The following GBE1 variants were observed in gnomAD, a reference collection of about 807,000 sequenced individuals.
GBE1 encodes 1,4-alpha-glucan-branching enzyme.
GBE1 carries 70 observed loss-of-function variants against 88.8 expected under a neutral mutation model. The observed-to-expected ratio is 0.79, with a 90% CI of 0.65 to 0.96. The LOEUF (loss-of-function observed/expected upper bound fraction) is 0.96. Among genes scored for constraint, GBE1 ranks in the 40% least tolerant of loss-of-function variants. The probability of loss-of-function intolerance (pLI) is 0.00; values close to 1 mark genes in which losing one functional copy is unlikely to be tolerated. For missense variants in GBE1, 872 were observed against 871.0 expected (o/e 1.00, Z -0.01); for synonymous variants, 284 against 300.1 (o/e 0.95, Z 0.56).
intron 1 of GBE1, 87 bp downstream of exon 1, chr3:81,761,288 G>A: frequency 2.0e-6 from 3 of 1,482,082 alleles, no homozygotes; most frequent in Non-Finnish European, 2.7e-6. Flanking sequence ...GTTGGCGCGC[G>A]AGGGCCGAGG....
Position 81,750,625 on chromosome 3 carries a change from A to ATATG in GBE1, c.143+10749_143+10750insCATA, listed in dbSNP as rs1446390847. 5.7e-4 allele frequency among the ~76,000 whole-genome samples: 36 copies of ATATG among 63,390 alleles called. 3 individuals carry two copies. The East Asian group carries it at 0.015, about 26-fold the overall frequency. 41.6% of individuals were successfully genotyped at this position (63,390 alleles called of 152,430 possible). On this transcript the variant is annotated intron_variant, in intron 1 of 15. Coordinates refer to ENST00000429644, the MANE Select transcript of GBE1 (RefSeq NM_000158.4). The stretch of plus-strand genomic sequence containing the variant: ...TGTGTATATATATATATGTATATAT[A>ATATG]TATACGTATATATATATATGTATAT...
chr3:81,585,853 C>T (rs937729406), intron 10 of GBE1, among the ~76,000 whole-genome samples: 1 of 152,090 alleles, frequency 6.6e-6, no homozygotes, highest in Non-Finnish European at 1.5e-5. Context: ...ATTTATACAG[C>T]TAACATGATA....
At chr3:81,740,782 A>ACACACACACC (rs1000342617) in intron 1 of GBE1, among the ~76,000 whole-genome samples, 1 of 152,000 alleles carries the variant, frequency 6.6e-6, no homozygotes, top group Non-Finnish European at 1.5e-5. Flanking sequence ...ACACACACAC[A>ACACACACACC]CACACACAAT....
At position 81,733,255 on chromosome 3, in the gene GBE1, C is replaced by A. The variant is rs985172360; in HGVS notation, c.144-27642G>T. 6.6e-6 allele frequency among the ~76,000 whole-genome samples: 1 copy of A among 151,532 alleles called. No homozygotes were observed. Among genetic ancestry groups the A allele is most frequent in the African/African-American group, 2.4e-5 (1 of 41,246 alleles). On this transcript the variant is annotated intron_variant, in intron 1 of 15. Transcript: ENST00000429644. This position sits in a 1 kb window ranked among gnomAD's most constrained non-coding sequence, Gnocchi z 4.0. ...GCGTGTTCCCATGAGAATCTAATGC[C>A]TGATGATCTGTCACTGTCTCCCATC...
intron 1 of GBE1, among the ~76,000 whole-genome samples, chr3:81,747,843 C>T (rs533999235): frequency 6.6e-6 from 1 of 152,306 alleles, no homozygotes; most frequent in Non-Finnish European, 1.5e-5. Context: ...ATTACCTTCC[C>T]AAATCCTATA....
chr3:81,680,997 C>T (rs190695735), intron 2 of GBE1, among the ~76,000 whole-genome samples: 11 of 152,366 alleles, frequency 7.2e-5, no homozygotes, highest in Admixed American at 3.3e-4. Context: ...AGCCCAAATC[C>T]ACTCAGATAC....
chr3:81,504,879 A>C (rs1702634208), intron 14 of GBE1, among the ~76,000 whole-genome samples: 1 of 152,166 alleles, frequency 6.6e-6, no homozygotes, highest in African/African-American at 2.4e-5. Flanking sequence ...TTCTGCACTA[A>C]ACTCACTTCA....
intron 3 of GBE1, among the ~76,000 whole-genome samples, chr3:81,660,814 A>G (rs746198198): frequency 1.6e-4 from 24 of 152,240 alleles, no homozygotes; most frequent in Non-Finnish European, 2.8e-4. Flanking sequence ...ATTCAATAAA[A>G]GAACCCAGCT....
chr3:81,594,576 G>C (rs561018712), intron 7 of GBE1, among the ~76,000 whole-genome samples: 17 of 151,874 alleles, frequency 1.1e-4, no homozygotes, highest in Non-Finnish European at 2.5e-4. Context: ...AAAAGTAAAA[G>C]ATAAAAACAG....
At chr3:81,731,982 A>G (rs1050001354) in intron 1 of GBE1, among the ~76,000 whole-genome samples, 12 of 152,182 alleles carry the variant, frequency 7.9e-5, no homozygotes, top group Admixed American at 3.3e-4. Context: ...TTTGTTTCTA[A>G]TTATTATACA....
chr3:81,521,912 G>A (rs1702879218), intron 14 of GBE1, among the ~76,000 whole-genome samples: 1 of 151,514 alleles, frequency 6.6e-6, no homozygotes, highest in African/African-American at 2.4e-5. Flanking sequence ...AAAATGTGAT[G>A]GCTGCCAGGA....
chr3:81,612,240 A>AAAAC (rs1553685871), intron 7 of GBE1: 49 of 533,058 alleles, frequency 9.2e-5, no homozygotes, highest in African/African-American at 8.2e-4. Context: ...AAAAAAAAAA[A>AAAAC]AAACTTAAAG....
chr3:81,670,854 T>A lies in GBE1; in HGVS notation c.413A>T (p.His138Leu), dbSNP rs767762796. The A allele has an allele frequency of 6.4e-7, 1 of 1,556,238 alleles. No homozygotes were observed. Among genetic ancestry groups the A allele is most frequent in the Non-Finnish European group, 8.6e-7 (1 of 1,156,242 alleles). The change falls in exon 3 of 16, where the codon CAT becomes CTT. Residue 138 changes from histidine (H) to leucine (L), a missense_variant. By Grantham distance (99) the His-to-Leu change is moderately conservative. Coordinates refer to ENST00000429644, the MANE Select transcript of GBE1 (RefSeq NM_000158.4). The stretch of plus-strand genomic sequence containing the variant: ...GGAAAGTACCTTTAATTTGGATCCA[T>A]GAGGCACGAGTACAGATTTATTCTG... ...PKQNKSVLVP[H>L]GSKLKVVITS...
intron 1 of GBE1, among the ~76,000 whole-genome samples, chr3:81,747,318 G>T (rs1706430907): frequency 6.6e-6 from 1 of 152,178 alleles, no homozygotes; most frequent in East Asian, 1.9e-4. Context: ...GCCACAGACA[G>T]AAAGAAAATA....
chr3:81,608,241 CCT>C (rs1279138294), intron 7 of GBE1, among the ~76,000 whole-genome samples: 5 of 152,178 alleles, frequency 3.3e-5, no homozygotes, highest in Non-Finnish European at 5.9e-5. Context: ...CACCTCCTCC[CCT>C]GTCATCTCTG....
At chr3:81,604,282 CTTTCT>C (rs1196246599) in intron 7 of GBE1, among the ~76,000 whole-genome samples, 1 of 112,616 alleles carries the variant, frequency 8.9e-6, no homozygotes, top group African/African-American at 4.2e-5. Context: ...TCTTTTCTTT[CTTTCT>C]TTTTTTTTTT....
chr3:81,555,961 A>G (rs757976942), intron 12 of GBE1, among the ~76,000 whole-genome samples: 3 of 152,172 alleles, frequency 2.0e-5, no homozygotes, highest in Admixed American at 6.6e-5. Context: ...TCCAATATAA[A>G]TAGTCTCTTT....
intron 2 of GBE1, among the ~76,000 whole-genome samples, chr3:81,699,103 A>G (rs895537583): frequency 6.6e-6 from 1 of 152,162 alleles, no homozygotes; most frequent in Non-Finnish European, 1.5e-5. Flanking sequence ...GCCAAAATAA[A>G]CAGTTTCTAG....
chr3:81,697,272 T>G (rs185484326), intron 2 of GBE1, among the ~76,000 whole-genome samples: 29 of 151,486 alleles, frequency 1.9e-4, no homozygotes, highest in African/African-American at 7.0e-4. Flanking sequence ...ACGCATAGGG[T>G]AAGGTATGGG....
Sources: allele counts gnomAD v4.1 joint callset (sites outside exome capture counted in the v4.1 genomes callset), GRCh38; gene constraint gnomAD v4.1.1; non-coding constraint Gnocchi (gnomAD v3.1); transcripts MANE v1.5; gene names NCBI Gene and HGNC (gene_info 2026-07-23, HGNC 2026-07-21).